TOP2A: variants seen among roughly 807,000 people sequenced by gnomAD.
The protein encoded by TOP2A is DNA topoisomerase 2-alpha.
A neutral mutation model predicts 187.2 loss-of-function variants in TOP2A; 68 were observed. The ratio of observed to expected loss-of-function variants is 0.36; its 90% CI spans 0.30 to 0.44. The LOEUF (loss-of-function observed/expected upper bound fraction) is 0.44. Ranked by LOEUF, TOP2A falls within the 20% of genes least tolerant of loss-of-function variation. The pLI is 1.00. For missense variants in TOP2A, 1,196 were observed against 1,808.7 expected, an observed-to-expected ratio of 0.66 and a Z score of 6.14; for synonymous variants, 542 against 593.2, an observed-to-expected ratio of 0.91 and a Z score of 1.25.
chr17:40,409,233 A>G (rs2035287176), intron 10 of TOP2A: 2 of 258,042 alleles, frequency 7.8e-6, no homozygotes, highest in Non-Finnish European at 1.5e-5. Flanking sequence ...GTAGCCAGGC[A>G]TGGTGGTGGT....
Position 40,400,861 on chromosome 17 carries a change from G to C in TOP2A, c.2653C>G (p.Pro885Ala). The C allele has an allele frequency of 6.2e-7, 1 of 1,613,860 alleles. No individual in the cohort carries two copies. The highest frequency in any genetic ancestry group is 8.5e-7 in the Non-Finnish European group (1 of 1,179,844). ...NIRRLMDGEEPLPMLPSYKNF... is the reference protein window; with the variant it reads ...NIRRLMDGEEALPMLPSYKNF... ...CACAGAATACTTACCATTGGCAAAG[G>C]TTCTTCTCCATCCATCAAACGCCTG... The change falls in exon 21 of 35, where the codon CCT (proline) becomes GCT (alanine). Residue 885 changes from proline (P) to alanine (A), a missense_variant. Transcript: ENST00000423485.
At chr17:40,395,281 CAAAA>C (rs755789593) in intron 29 of TOP2A, among the ~76,000 whole-genome samples, 164 bp downstream of exon 29, 3 of 54,856 alleles carry the variant, frequency 5.5e-5, no homozygotes, top group African/African-American at 7.3e-5. Flanking sequence ...GAAACTGTCT[CAAAA>C]AAAAAAAAAA....
At chr17:40,398,230 A>G (rs1170618569) in intron 27 of TOP2A, among the ~76,000 whole-genome samples, 1 of 145,682 alleles carries the variant, frequency 6.9e-6, no homozygotes, top group African/African-American at 2.6e-5. Flanking sequence ...CTCCTGCCTC[A>G]GCCTCCTGAG....
chr17:40,404,033 T>C (rs1230344280), intron 19 of TOP2A, 119 bp downstream of exon 19: 2 of 1,312,720 alleles, frequency 1.5e-6, no homozygotes, highest in South Asian at 3.0e-5. Context: ...TCACAGGTTT[T>C]ACCAACTTGT....
chr17:40,395,902 A>C (rs549906782), intron 28 of TOP2A, among the ~76,000 whole-genome samples: 43 of 152,094 alleles, frequency 2.8e-4, no homozygotes, highest in Non-Finnish European at 4.7e-4. Flanking sequence ...ACAACAACAA[A>C]AAAATTTTAT....
chr17:40,391,764 A>G (rs1376378831), intron 32 of TOP2A, 124 bp from the exon 33 acceptor site: 1 of 1,083,920 alleles, frequency 9.2e-7, no homozygotes, highest in East Asian at 2.7e-5. Context: ...GGAATATTTA[A>G]AACATACTCT....
chr17:40,389,497 C>A lies in TOP2A; in HGVS notation c.*22G>T. On this transcript the variant is annotated 3_prime_UTR_variant, in exon 35 of 35. Coordinates refer to ENST00000423485, the MANE Select transcript of TOP2A (RefSeq NM_001067.4). ...AGTCTTGGGCTTGGTAAGATAATTA[C>A]TTAAAATAATCGCCTCACATTTTAA... 1.3e-6 allele frequency: 2 copies of A among 1,570,570 alleles called. No homozygotes were observed. The highest frequency in any genetic ancestry group is 1.7e-6 in the Non-Finnish European group (2 of 1,156,568).
Position 40,392,200 on chromosome 17 carries a change from A to G in TOP2A, c.4088+18T>C. 6.2e-7 allele frequency: 1 copy of G among 1,612,922 alleles called. No homozygotes were observed. The highest frequency in any genetic ancestry group is 8.5e-7 in the Non-Finnish European group (1 of 1,179,516). On this transcript the variant is annotated intron_variant, in intron 31 of 34. Coordinates refer to ENST00000423485, the MANE Select transcript of TOP2A (RefSeq NM_001067.4). The stretch of plus-strand genomic sequence containing the variant: ...TAGAAACAATCATGACAAAACCCAT[A>G]TTAGATAAGATACTTGCTTTGGGGA...
rs1598606014 is a variant in TOP2A, at chr17:40,389,539, C to T, written c.4576G>A (p.Asp1526Asn). Residue 1526 changes from aspartate to asparagine, a missense_variant, in exon 35 of 35, where the codon GAT becomes AAT. By Grantham distance (23) the Asp-to-Asn change is conservative (BLOSUM62 1). Around this residue, in one of 10 missense-constraint regions of TOP2A, gnomAD observed 374 missense variants for 403.3 expected, o/e 0.93. Coordinates refer to ENST00000423485, the MANE Select transcript of TOP2A (RefSeq NM_001067.4). ...ACATTTTAAAACAGATCATCTTCAT[C>T]TGACTCTTCCAGGTACTTTATAGGT... ...KKPIKYLEES[D>N]EDDLF 6.3e-7 allele frequency: 1 copy of T among 1,593,692 alleles called. No individual in the cohort carries two copies. The highest frequency in any genetic ancestry group is 8.6e-7 in the Non-Finnish European group (1 of 1,169,210).
intron 29 of TOP2A, among the ~76,000 whole-genome samples, chr17:40,395,014 G>A (rs2035073106): frequency 6.6e-6 from 1 of 152,254 alleles, no homozygotes; most frequent in Non-Finnish European, 1.5e-5. Flanking sequence ...GCCAGGGGCA[G>A]TGGCTCACGC....
intron 20 of TOP2A, among the ~76,000 whole-genome samples, chr17:40,401,295 C>T (rs1280878540): frequency 6.6e-6 from 1 of 152,034 alleles, no homozygotes; most frequent in Non-Finnish European, 1.5e-5. Context: ...TAGAAGTTTG[C>T]AATTAACACA....
chr17:40,408,166 C>A, intron 11 of TOP2A, 42 bp from the exon 12 acceptor site: 1 of 1,446,194 alleles, frequency 6.9e-7, no homozygotes, highest in Non-Finnish European at 9.4e-7. Context: ...ACATTTAGTT[C>A]AACCTCAAAT....
chr17:40,409,565 C>A, intron 10 of TOP2A: 1 of 401,750 alleles, frequency 2.5e-6, no homozygotes. Context: ...TCAAGACCAG[C>A]CTGGCCAACA....
chr17:40,393,230 G>T (rs1026643150), intron 29 of TOP2A, among the ~76,000 whole-genome samples: 1 of 152,040 alleles, frequency 6.6e-6, no homozygotes, highest in African/African-American at 2.4e-5. Flanking sequence ...CGGAGGCAGA[G>T]GCAGGAGGAT....
At position 40,401,173 on chromosome 17, in the gene TOP2A, T is replaced by C. The variant is rs2143650222; in HGVS notation, c.2433-92A>G. ...AAGGACATGTATTATACATGAAAAT[T>C]ATCTTGGTTTTACTTGCTGACTAAT... On this transcript the variant is annotated intron_variant, in intron 20 of 34. Transcript: ENST00000423485. 8 of 1,126,372 alleles carry C rather than the reference T, an allele frequency of 7.1e-6. No homozygotes were observed. The South Asian group carries it at 9.3e-5, about 13-fold the overall frequency. The allele number at this position is 1,126,372 out of a possible 1,614,324, so 69.8% of individuals were successfully genotyped here.
Position 40,391,639 on chromosome 17 carries a change from G to C in TOP2A, c.4134C>G (p.Asp1378Glu). ...ELKPQKSVVS[D>E]LEADDVKGSV... ...TGCCCTTAACATCATCAGCTTCAAGGTCTATTATTTCAAATGGAAAGGAAA... is the reference window on the plus strand; with the variant it reads ...TGCCCTTAACATCATCAGCTTCAAGCTCTATTATTTCAAATGGAAAGGAAA... The change falls in exon 33 of 35, where the codon GAC becomes GAG. Residue 1378 changes from aspartate to glutamate, a missense_variant and splice_region_variant. By Grantham distance (45) the Asp-to-Glu change is conservative. This residue lies in a region of TOP2A where 374 missense variants were observed against 403.3 expected (regional missense o/e 0.93). Coordinates refer to ENST00000423485, the MANE Select transcript of TOP2A (RefSeq NM_001067.4). 3 of 1,581,352 alleles carry C rather than the reference G, an allele frequency of 1.9e-6. No homozygotes were observed. Among genetic ancestry groups the C allele is most frequent in the Non-Finnish European group, 2.6e-6 (3 of 1,168,250 alleles).
At position 40,392,882 on chromosome 17, in the gene TOP2A, T is replaced by A. The variant is rs1018041687; in HGVS notation, c.3812-145A>T. Reference sequence around the variant, plus strand: ...AAGAGACAGATATGGTCTCTGTTTTTGTGGTGCATATAGCTTGGTCACTTA... The same window carrying A: ...AAGAGACAGATATGGTCTCTGTTTTAGTGGTGCATATAGCTTGGTCACTTA... On this transcript the variant is annotated intron_variant, in intron 29 of 34. Coordinates refer to ENST00000423485, the MANE Select transcript of TOP2A (RefSeq NM_001067.4). 1.9e-5 allele frequency: 14 copies of A among 737,992 alleles called. No homozygotes were observed. In the African/African-American group the frequency reaches 2.3e-4, roughly 12 times the overall value. 45.7% of individuals were successfully genotyped at this position (737,992 alleles called of 1,614,324 possible).
At chr17:40,392,149 A>C (rs770458484) in intron 31 of TOP2A, 38 bp from the exon 32 acceptor site, 2 of 1,611,242 alleles carry the variant, frequency 1.2e-6, no homozygotes, top group Non-Finnish European at 1.7e-6. Flanking sequence ...ACCAATTCTA[A>C]ATGTGTCAAG....
At position 40,389,509 on chromosome 17, in the gene TOP2A, G is replaced by A. The variant is rs753742643; in HGVS notation, c.*10C>T. On this transcript the variant is annotated 3_prime_UTR_variant, in exon 35 of 35. Coordinates refer to ENST00000423485, the MANE Select transcript of TOP2A (RefSeq NM_001067.4). ...GGTAAGATAATTACTTAAAATAATC[G>A]CCTCACATTTTAAAACAGATCATCT... The A allele has an allele frequency of 1.1e-4, 168 of 1,577,210 alleles. No homozygotes were observed. The highest frequency in any genetic ancestry group is 1.3e-4 in the Non-Finnish European group (155 of 1,160,324).
Sources: gnomAD v4.1 joint callset for allele counts (sites outside exome capture counted in the v4.1 genomes callset) on GRCh38, gnomAD v4.1.1 for gene constraint, gnomAD v4.1.1 regional missense constraint, MANE v1.5 for transcripts, NCBI Gene and HGNC (gene_info 2026-07-23, HGNC 2026-07-21) for gene names.